CC2D2A: variants seen among roughly 807,000 people sequenced by gnomAD.
CC2D2A encodes coiled-coil and C2 domain-containing protein 2A.
A neutral mutation model predicts 212.9 loss-of-function variants in CC2D2A; 155 were observed. That is an observed-to-expected ratio of 0.73 (90% CI 0.64 to 0.83). The LOEUF is 0.83. CC2D2A is among the 40% of genes least tolerant of loss of function. CC2D2A has a pLI of 0.00. For synonymous variants in CC2D2A, 667 were observed against 686.5 expected, an observed-to-expected ratio of 0.97 and a Z score of 0.44; for missense variants, 1,856 against 1,956.2, an observed-to-expected ratio of 0.95 and a Z score of 0.97.
rs1720300593 is a variant in CC2D2A at position 15,574,283 on chromosome 4, C to G, written c.3728C>G (p.Thr1243Ser). 2 of 1,551,408 alleles carry G rather than the reference C, an allele frequency of 1.3e-6. No homozygotes were observed. The highest frequency in any genetic ancestry group is 1.7e-6 in the Non-Finnish European group (2 of 1,146,830). Reference protein sequence around the residue: ...SEGSYITLFITIEPQLVPGES... With the variant: ...SEGSYITLFISIEPQLVPGES... ...GGCTCCTACATTACCCTCTTTATTA[C>G]CATTGAGCCCCAGCTGGTTCCTGGA... is the stretch of plus-strand genomic sequence containing the variant. Residue 1243 changes from threonine (T) to serine (S), a missense_variant, in exon 29 of 37, where the codon ACC (threonine) becomes AGC (serine). Around this residue, in one of 5 missense-constraint regions of CC2D2A, gnomAD observed 1,512 missense variants for 1,579.3 expected, o/e 0.96. Coordinates refer to ENST00000424120, the MANE Select transcript of CC2D2A (RefSeq NM_001378615.1).
intron 36 of CC2D2A, among the ~76,000 whole-genome samples, chr4:15,600,714 C>A (rs1368735826): frequency 1.3e-5 from 2 of 151,942 alleles, no homozygotes; most frequent in Non-Finnish European, 2.9e-5. Flanking sequence ...TCAGCCTTGG[C>A]AGCATGGCAA....
At chr4:15,502,214 G>C (rs1012429718) in intron 4 of CC2D2A, among the ~76,000 whole-genome samples, 2 of 152,176 alleles carry the variant, frequency 1.3e-5, no homozygotes, top group Non-Finnish European at 2.9e-5. Flanking sequence ...GAAAAGCCAA[G>C]ACATGTACTT....
chr4:15,558,617 G>A (rs753499790), intron 21 of CC2D2A, among the ~76,000 whole-genome samples: 2 of 151,994 alleles, frequency 1.3e-5, no homozygotes, highest in Non-Finnish European at 2.9e-5. Flanking sequence ...CCCCGAGCCT[G>A]AGTTAGGTAC....
intron 24 of CC2D2A, chr4:15,563,980 G>T (rs944686730): frequency 1.2e-5 from 2 of 167,936 alleles, no homozygotes; most frequent in African/African-American, 4.8e-5. Flanking sequence ...GAGAGACAGG[G>T]TCAGAAGCAC....
intron 17 of CC2D2A, among the ~76,000 whole-genome samples, chr4:15,547,404 T>C (rs985260060): frequency 3.3e-5 from 5 of 152,212 alleles, no homozygotes; most frequent in Non-Finnish European, 7.3e-5. Context: ...CACTAGAACA[T>C]ACTCCTTCTA....
At chr4:15,511,132 C>T (rs1716545676) in intron 7 of CC2D2A, 115 bp from the exon 8 acceptor site, 6 of 1,146,906 alleles carry the variant, frequency 5.2e-6, no homozygotes, top group South Asian at 5.2e-5. Context: ...CAATATGCTT[C>T]GGAGGCCTGG....
At chr4:15,486,646 CTT>C (rs1715017804) in intron 4 of CC2D2A, among the ~76,000 whole-genome samples, 1 of 151,824 alleles carries the variant, frequency 6.6e-6, no homozygotes, top group African/African-American at 2.4e-5. Context: ...TTAAGTATCA[CTT>C]TCATTTATTT....
rs554426008 is a variant in CC2D2A, at chr4:15,556,439, C to T, written c.2626-865C>T. Among the ~76,000 whole-genome samples, 17 of 152,286 alleles carry T rather than the reference C, an allele frequency of 1.1e-4. No individual in the cohort carries two copies. In the South Asian group the frequency reaches 3.5e-3, roughly 32 times the overall value. ...TATTTGGAAGATTGGGTCATATTACCTAAAATGTAGTCTATTCCATGTAAA... is the reference window on the plus strand; with the variant it reads ...TATTTGGAAGATTGGGTCATATTACTTAAAATGTAGTCTATTCCATGTAAA... On this transcript the variant is annotated intron_variant, in intron 20 of 36. Coordinates refer to ENST00000424120, the MANE Select transcript of CC2D2A (RefSeq NM_001378615.1).
intron 14 of CC2D2A, among the ~76,000 whole-genome samples, chr4:15,536,447 T>TA (rs1718134592): frequency 1.3e-5 from 2 of 152,092 alleles, no homozygotes; most frequent in South Asian, 4.1e-4. Context: ...CCCTAGAACT[T>TA]AAAGTATAAT....
At position 15,567,691 on chromosome 4, in the gene CC2D2A, C is replaced by G. The variant is rs1426977779; in HGVS notation, c.3303C>G (p.Pro1101=). 1 of 1,602,588 alleles carries G rather than the reference C, an allele frequency of 6.2e-7. No individual in the cohort carries two copies. Among genetic ancestry groups the G allele is most frequent in the Non-Finnish European group, 8.5e-7 (1 of 1,176,852 alleles). The change falls in exon 26 of 37, where the codon CCC becomes CCG. Residue 1101 remains proline (P), a synonymous_variant. Coordinates refer to ENST00000424120, the MANE Select transcript of CC2D2A (RefSeq NM_001378615.1). ...DYPLGQVLVR[P]FVEVSFQRTV... is the part of the protein sequence containing the mutation. ...TTGATTTTAAGGTTTTAGTACGTCCCTTTGTAGAAGTCTCTTTTCAACGAA... is the reference window on the plus strand; with the variant it reads ...TTGATTTTAAGGTTTTAGTACGTCCGTTTGTAGAAGTCTCTTTTCAACGAA...
intron 4 of CC2D2A, among the ~76,000 whole-genome samples, chr4:15,483,981 C>T (rs1577315088): frequency 6.6e-6 from 1 of 152,200 alleles, no homozygotes; most frequent in African/African-American, 2.4e-5. Context: ...CCTACCTAAA[C>T]TTTAGTTTCC....
intron 4 of CC2D2A, among the ~76,000 whole-genome samples, chr4:15,494,468 T>C (rs950394380): frequency 2.6e-5 from 4 of 152,252 alleles, no homozygotes; most frequent in Non-Finnish European, 4.4e-5. Context: ...CTATCAGCAG[T>C]GCTGGGGCTC....
intron 16 of CC2D2A, among the ~76,000 whole-genome samples, chr4:15,538,404 A>G (rs572884386): frequency 6.6e-6 from 1 of 152,336 alleles, no homozygotes; most frequent in South Asian, 2.1e-4. Context: ...CTGTAGGAGA[A>G]GCATCCCAGT....
chr4:15,514,919 T>A, intron 9 of CC2D2A, 50 bp downstream of exon 9: 1 of 1,559,186 alleles, frequency 6.4e-7, no homozygotes, highest in African/African-American at 1.4e-5. Context: ...GTCACTTACC[T>A]TGTCATGAAA....
intron 13 of CC2D2A, among the ~76,000 whole-genome samples, chr4:15,531,990 T>C (rs755325204): frequency 6.6e-6 from 1 of 152,080 alleles, no homozygotes; most frequent in African/African-American, 2.4e-5. Context: ...GCGGATTAGC[T>C]CATTAACTCC....
chr4:15,510,060 G>T, intron 6 of CC2D2A, 79 bp from the exon 7 acceptor site: 1 of 1,043,390 alleles, frequency 9.6e-7, no homozygotes, highest in Non-Finnish European at 1.5e-6. Flanking sequence ...TTTGGGATGG[G>T]GGGGTTAACC....
intron 17 of CC2D2A, among the ~76,000 whole-genome samples, chr4:15,548,148 A>G (rs962365092): frequency 2.1e-4 from 32 of 150,954 alleles, no homozygotes; most frequent in African/African-American, 7.0e-4. Flanking sequence ...TTTGTCAGAT[A>G]GAATCCGTTT....
At chr4:15,592,458 A>G (rs1721151287) in intron 33 of CC2D2A, among the ~76,000 whole-genome samples, 1 of 152,224 alleles carries the variant, frequency 6.6e-6, no homozygotes, top group African/African-American at 2.4e-5. Flanking sequence ...TTGCTAATGA[A>G]TAAATAAATC....
intron 17 of CC2D2A, among the ~76,000 whole-genome samples, chr4:15,544,913 T>C (rs1286046215): frequency 6.6e-6 from 1 of 152,212 alleles, no homozygotes; most frequent in East Asian, 1.9e-4. Flanking sequence ...AATATATTCA[T>C]AGGCAATAAG....
Sources: allele counts gnomAD v4.1 joint callset (sites outside exome capture counted in the v4.1 genomes callset), GRCh38; gene constraint gnomAD v4.1.1; regional missense constraint gnomAD v4.1.1; transcripts MANE v1.5; gene names NCBI Gene and HGNC (gene_info 2026-07-23, HGNC 2026-07-21).